The following SLC1A2 variants were observed in gnomAD, a reference collection of about 807,000 sequenced individuals.
SLC1A2 encodes the protein solute carrier family 1 member 2.
SLC1A2 carries 15 observed loss-of-function variants against 48.8 expected under a neutral mutation model. The ratio of observed to expected loss-of-function variants is 0.31; its 90% CI spans 0.21 to 0.47. The LOEUF (loss-of-function observed/expected upper bound fraction) is 0.47. SLC1A2 is among the 20% of genes least tolerant of loss of function. The pLI, the probability that SLC1A2 is intolerant of heterozygous loss-of-function variation, is 0.99. For missense variants in SLC1A2, 502 were observed against 730.5 expected (o/e 0.69, Z 3.61); for synonymous variants, 279 against 272.6 (o/e 1.02, Z -0.23).
intron 1 of SLC1A2, among the ~76,000 whole-genome samples, chr11:35,378,293 T>C (rs541073870): frequency 4.6e-5 from 7 of 152,284 alleles, no homozygotes; most frequent in Non-Finnish European, 1.0e-4. Flanking sequence ...CTGATTATTC[T>C]GAAACGTTGT....
chr11:35,387,237 G>T (rs1264027115), intron 1 of SLC1A2, among the ~76,000 whole-genome samples: 1 of 152,144 alleles, frequency 6.6e-6, no homozygotes, highest in Admixed American at 6.6e-5. Flanking sequence ...ATCATTCTGG[G>T]GTGGGTGGGG....
intron 1 of SLC1A2, among the ~76,000 whole-genome samples, chr11:35,380,196 C>G (rs1854377223): frequency 6.6e-6 from 1 of 152,336 alleles, no homozygotes; most frequent in African/African-American, 2.4e-5. Flanking sequence ...TGTAGATGCA[C>G]AGCATGCAAT....
At chr11:35,376,470 G>C (rs1474691505) in intron 1 of SLC1A2, among the ~76,000 whole-genome samples, 1 of 152,184 alleles carries the variant, frequency 6.6e-6, no homozygotes, top group African/African-American at 2.4e-5. Context: ...GGAGGAGAAT[G>C]TGGGAACTCT....
rs1263007738 is a variant in SLC1A2, at chr11:35,419,313, C to G, written c.-347G>C. On this transcript the variant is annotated 5_prime_UTR_variant, in exon 1 of 11. Coordinates refer to ENST00000278379, the MANE Select transcript of SLC1A2 (RefSeq NM_004171.4). This position sits in a 1 kb window ranked among gnomAD's most constrained non-coding sequence, Gnocchi z 5.4. ...GGCGCACGCCGGCGATGCGCCCCTG[C>G]AGCCGCTGCCACCTGTGCTTTGCTG... 3.8e-6 allele frequency: 1 copy of G among 265,564 alleles called. No individual in the cohort carries two copies. The highest frequency in any genetic ancestry group is 7.0e-6 in the Non-Finnish European group (1 of 142,288). The allele number at this position is 265,564 out of a possible 1,614,324, so 16.5% of individuals were successfully genotyped here.
chr11:35,301,168 C>A (rs905012955), intron 6 of SLC1A2, among the ~76,000 whole-genome samples: 25 of 152,204 alleles, frequency 1.6e-4, no homozygotes, highest in Non-Finnish European at 3.4e-4. Flanking sequence ...GAACTTCCAG[C>A]CTCCAGAACC....
At chr11:35,297,121 C>G (rs1005545951) in intron 6 of SLC1A2, among the ~76,000 whole-genome samples, 1 of 152,166 alleles carries the variant, frequency 6.6e-6, no homozygotes, top group Admixed American at 6.6e-5. Flanking sequence ...CTCTTCTGGG[C>G]TCTTTGCTAA....
At position 35,327,041 on chromosome 11, in the gene SLC1A2, A is replaced by G. The variant is rs576066205; in HGVS notation, c.18-9525T>C. Among the ~76,000 whole-genome samples, 18 of 152,362 alleles carry G rather than the reference A, an allele frequency of 1.2e-4. No individual in the cohort carries two copies. In the East Asian group the frequency reaches 3.5e-3, roughly 29 times the overall value. Reference sequence around the variant, plus strand: ...AAACATAAATGACGTAAACTTTGCTAACTGCATACCATTGCCAGGATCAGT... The same window carrying G: ...AAACATAAATGACGTAAACTTTGCTGACTGCATACCATTGCCAGGATCAGT... On this transcript the variant is annotated intron_variant, in intron 1 of 10. Coordinates refer to ENST00000278379, the MANE Select transcript of SLC1A2 (RefSeq NM_004171.4).
intron 10 of SLC1A2, chr11:35,264,849 A>G (rs1950453821): frequency 6.6e-6 from 1 of 152,196 alleles, no homozygotes; most frequent in African/African-American, 2.4e-5. Context: ...ATATATAGCA[A>G]GGAGGACTAC....
intron 8 of SLC1A2, among the ~76,000 whole-genome samples, chr11:35,284,023 C>CGCAGCCATTAT (rs1197653654): frequency 2.7e-5 from 4 of 148,494 alleles, no homozygotes; most frequent in East Asian, 2.0e-4. Context: ...GTTCCCATTA[C>CGCAGCCATTAT]GCAGATGAGG....
At chr11:35,318,899 C>T (rs1851969268) in intron 1 of SLC1A2, among the ~76,000 whole-genome samples, 1 of 152,276 alleles carries the variant, frequency 6.6e-6, no homozygotes, top group Middle Eastern at 3.4e-3. Context: ...GAGTTAAGAC[C>T]TGGAACCCAA....
intron 1 of SLC1A2, among the ~76,000 whole-genome samples, chr11:35,393,754 C>T (rs775309899): frequency 1.3e-5 from 2 of 152,174 alleles, no homozygotes; most frequent in African/African-American, 2.4e-5. Flanking sequence ...TTGTCTCCCC[C>T]CATCCCCAAA....
intron 1 of SLC1A2, among the ~76,000 whole-genome samples, chr11:35,389,161 G>C (rs1854680466): frequency 6.6e-6 from 1 of 152,110 alleles, no homozygotes; most frequent in Admixed American, 6.5e-5. Flanking sequence ...TTGTGGAAGA[G>C]TCAATAAAAG....
At chr11:35,340,103 T>G (rs565230451) in intron 1 of SLC1A2, among the ~76,000 whole-genome samples, 1 of 152,280 alleles carries the variant, frequency 6.6e-6, no homozygotes, top group South Asian at 2.1e-4. Context: ...CACACTGACA[T>G]GAGCTCTCTG....
chr11:35,312,643 G>A (rs1851743739), intron 3 of SLC1A2, among the ~76,000 whole-genome samples, 195 bp from the exon 4 acceptor site: 1 of 152,178 alleles, frequency 6.6e-6, no homozygotes, highest in South Asian at 2.1e-4. Flanking sequence ...ATCTGAGAGT[G>A]CCCAAGTTTC....
chr11:35,392,899 C>T (rs1854827090), intron 1 of SLC1A2, among the ~76,000 whole-genome samples: 1 of 152,186 alleles, frequency 6.6e-6, no homozygotes, highest in Non-Finnish European at 1.5e-5. Flanking sequence ...CACACCAGGG[C>T]TTAAATCATA....
intron 1 of SLC1A2, among the ~76,000 whole-genome samples, chr11:35,359,421 G>A (rs928792023): frequency 6.6e-6 from 1 of 152,196 alleles, no homozygotes; most frequent in Non-Finnish European, 1.5e-5. Context: ...AGAAAAAGCT[G>A]TCAGCTGCTT....
chr11:35,319,481 C>T (rs1377868385), intron 1 of SLC1A2, among the ~76,000 whole-genome samples: 9 of 152,216 alleles, frequency 5.9e-5, no homozygotes, highest in Non-Finnish European at 1.0e-4. Flanking sequence ...TCATTAATCT[C>T]CTTGCCTTCT....
chr11:35,395,642 G>A (rs527263090), intron 1 of SLC1A2, among the ~76,000 whole-genome samples: 72 of 151,842 alleles, frequency 4.7e-4, no homozygotes, highest in Non-Finnish European at 6.6e-4. Context: ...GGGCTGCTAC[G>A]GACTGAATGT....
chr11:35,267,820 C>G (rs1591405254), intron 9 of SLC1A2, among the ~76,000 whole-genome samples: 1 of 152,084 alleles, frequency 6.6e-6, no homozygotes, highest in African/African-American at 2.4e-5. Flanking sequence ...AACTGCCTCT[C>G]CTTCTGTTCC....
Sources: allele counts gnomAD v4.1 joint callset (sites outside exome capture counted in the v4.1 genomes callset), GRCh38; gene constraint gnomAD v4.1.1; non-coding constraint Gnocchi (gnomAD v3.1); transcripts MANE v1.5; gene names NCBI Gene and HGNC (gene_info 2026-07-23, HGNC 2026-07-21).